The following LARGE1 variants were observed in gnomAD, a reference collection of about 807,000 sequenced individuals.
LARGE1 encodes the protein xylosyl- and glucuronyltransferase LARGE1.
Under a neutral mutation model 87.6 loss-of-function variants are expected in LARGE1, and 43 were observed. The ratio of observed to expected loss-of-function variants is 0.49; its 90% CI spans 0.38 to 0.63. LARGE1 has a LOEUF of 0.63. Among genes scored for constraint, LARGE1 ranks in the 30% least tolerant of loss-of-function variants. The pLI is 0.00. For synonymous variants in LARGE1, 434 were observed against 394.6 expected, an observed-to-expected ratio of 1.10 and a Z score of -1.18; for missense variants, 802 against 1,000.2, an observed-to-expected ratio of 0.80 and a Z score of 2.67.
chr22:33,885,201 A>G (rs1379224806), intron 1 of LARGE1, among the ~76,000 whole-genome samples: 2 of 106,484 alleles, frequency 1.9e-5, no homozygotes, highest in African/African-American at 6.6e-5. Flanking sequence ...TGTGTTCCAC[A>G]GGCGATACCA....
chr22:33,301,537 A>G (rs1934144203), intron 12 of LARGE1, among the ~76,000 whole-genome samples: 2 of 152,180 alleles, frequency 1.3e-5, no homozygotes, highest in South Asian at 4.1e-4. Context: ...AAAAATATGA[A>G]TACCTAGTAA....
chr22:33,232,363 C>T (rs1217426648), intron 11 of LARGE1, among the ~76,000 whole-genome samples: 1 of 152,186 alleles, frequency 6.6e-6, no homozygotes, highest in Admixed American at 6.5e-5. Flanking sequence ...AAGTGAAGTG[C>T]ACCCACTGAT....
intron 9 of LARGE1, among the ~76,000 whole-genome samples, chr22:33,347,121 C>T (rs756960519): frequency 6.6e-6 from 1 of 152,148 alleles, no homozygotes; most frequent in Non-Finnish European, 1.5e-5. Flanking sequence ...TATTTTAAGC[C>T]ACTGCATATT....
chr22:33,519,161 A>T (rs1386316008), intron 6 of LARGE1, among the ~76,000 whole-genome samples: 5 of 152,200 alleles, frequency 3.3e-5, no homozygotes, highest in African/African-American at 9.7e-5. Context: ...ATCCAAGTCA[A>T]GACAGAGGAA....
rs370703600 is a variant in LARGE1 at position 33,550,407 on chromosome 22, T to C, written c.787+14441A>G. 3.3e-5 allele frequency among the ~76,000 whole-genome samples: 5 copies of C among 152,280 alleles called. No individual in the cohort carries two copies. The East Asian group carries it at 7.7e-4, about 23-fold the overall frequency. ...CAACGCCTAGAGATATTTTTGCGTG[T>C]CATAGCTGGAGGGGCATAGGATAGA... On this transcript the variant is annotated intron_variant, in intron 6 of 14. Coordinates refer to ENST00000397394, the MANE Select transcript of LARGE1 (RefSeq NM_133642.5).
chr22:33,737,314 C>T (rs2083689793), intron 2 of LARGE1, among the ~76,000 whole-genome samples: 1 of 152,190 alleles, frequency 6.6e-6, no homozygotes, highest in South Asian at 2.1e-4. Flanking sequence ...TTACCAGGTA[C>T]TCTGGCTTTG....
chr22:33,916,011 G>A (rs573857875), intron 1 of LARGE1, among the ~76,000 whole-genome samples: 85 of 152,180 alleles, frequency 5.6e-4, no homozygotes, highest in African/African-American at 1.9e-3. Context: ...GCCCGGGCAC[G>A]GTGGCTCACA....
intron 2 of LARGE1, among the ~76,000 whole-genome samples, chr22:33,674,133 C>T (rs957597908): frequency 3.3e-5 from 5 of 149,390 alleles, no homozygotes; most frequent in African/African-American, 7.4e-5. Flanking sequence ...TTAGTAGAGA[C>T]GGGTTTCGCC....
chr22:33,342,049 G>A (rs891016927), intron 9 of LARGE1, among the ~76,000 whole-genome samples: 5 of 152,178 alleles, frequency 3.3e-5, no homozygotes, highest in Admixed American at 6.5e-5. Flanking sequence ...TGCAATATGT[G>A]CTTTTCTTCT....
intron 2 of LARGE1, among the ~76,000 whole-genome samples, chr22:33,698,278 T>C (rs149158777): frequency 0.031 from 4,644 of 150,134 alleles, 224 homozygotes; most frequent in African/African-American, 0.11. Flanking sequence ...TTTGACATGT[T>C]GGCCAGGCTG....
At chr22:33,338,055 A>T (rs1938687226) in intron 9 of LARGE1, among the ~76,000 whole-genome samples, 1 of 152,120 alleles carries the variant, frequency 6.6e-6, no homozygotes, top group African/African-American at 2.4e-5. Context: ...CAGTTTCCTC[A>T]TCTGTGAAAT....
intron 1 of LARGE1, among the ~76,000 whole-genome samples, chr22:33,838,989 T>C (rs886955985): frequency 1.3e-5 from 2 of 152,230 alleles, no homozygotes; most frequent in African/African-American, 4.8e-5. Flanking sequence ...ACCTAAACAG[T>C]GGCTTCAGAA....
rs770037023 is a variant in LARGE1 at position 33,587,118 on chromosome 22, T to C, written c.615+17317A>G. ...ACGTTGCTATTAAATCAATAAAATG[T>C]TATTTAAAAATGATTTGGAAAAGCT... On this transcript the variant is annotated intron_variant, in intron 5 of 14. Coordinates refer to ENST00000397394, the MANE Select transcript of LARGE1 (RefSeq NM_133642.5). Among the ~76,000 whole-genome samples the C allele has an allele frequency of 2.0e-4, 30 of 152,346 alleles. 1 individual carries two copies. Among genetic ancestry groups the C allele is most frequent in the Middle Eastern group, 6.8e-3 (2 of 294 alleles).
intron 11 of LARGE1, among the ~76,000 whole-genome samples, chr22:33,207,029 AT>A (rs1331898253): frequency 6.6e-6 from 1 of 152,172 alleles, no homozygotes; most frequent in Non-Finnish European, 1.5e-5. Flanking sequence ...CTCCTTCATT[AT>A]GGGAAATAGA....
chr22:33,427,012 T>G (rs989707152), intron 7 of LARGE1, among the ~76,000 whole-genome samples: 1 of 152,212 alleles, frequency 6.6e-6, no homozygotes, highest in African/African-American at 2.4e-5. Flanking sequence ...CCTGCTATGT[T>G]TAGCCCTCCT....
the LARGE1 span, among the ~76,000 whole-genome samples, chr22:33,134,432 T>C: frequency 2.0e-5 from 3 of 152,114 alleles, no homozygotes; most frequent in African/African-American, 7.2e-5. Flanking sequence ...CTAATTTTTG[T>C]ATTTTTAGTA....
At chr22:33,767,554 CA>C (rs2084944494) in intron 1 of LARGE1, among the ~76,000 whole-genome samples, 1 of 151,570 alleles carries the variant, frequency 6.6e-6, no homozygotes, top group South Asian at 2.1e-4. Context: ...ATACACCCTC[CA>C]GGGGTGGCTA....
intron 4 of LARGE1, among the ~76,000 whole-genome samples, chr22:33,616,629 G>A (rs951241661): frequency 6.6e-6 from 1 of 151,986 alleles, no homozygotes; most frequent in African/African-American, 2.4e-5. Context: ...ATATTTGTGG[G>A]TAATTAAAAT....
rs2064762313 is a variant in LARGE1 at position 33,370,358 on chromosome 22, C to T, written c.1131+11561G>A. On this transcript the variant is annotated intron_variant, in intron 9 of 14. Coordinates refer to ENST00000397394, the MANE Select transcript of LARGE1 (RefSeq NM_133642.5). ...CAAGGCCACTGGAGATTTTGTTTTTCTTATACAATTCGTCACTCCCAGCTA... is the reference window on the plus strand; with the variant it reads ...CAAGGCCACTGGAGATTTTGTTTTTTTTATACAATTCGTCACTCCCAGCTA... Among the ~76,000 whole-genome samples, 3 of 152,244 alleles carry T rather than the reference C, an allele frequency of 2.0e-5. No homozygotes were observed. In the South Asian group the frequency reaches 6.2e-4, roughly 32 times the overall value.
Sources: allele counts gnomAD v4.1 joint callset (sites outside exome capture counted in the v4.1 genomes callset), GRCh38; gene constraint gnomAD v4.1.1; transcripts MANE v1.5; gene names NCBI Gene and HGNC (gene_info 2026-07-23, HGNC 2026-07-21).